The following AFG2A variants were observed in gnomAD, a reference collection of about 807,000 sequenced individuals.
AFG2A encodes AAA ATPase AFG2A.
the AFG2A span, among the ~76,000 whole-genome samples, chr4:123,211,354 G>A: frequency 6.6e-6 from 1 of 152,116 alleles, no homozygotes; most frequent in Non-Finnish European, 1.5e-5. Flanking sequence ...AGAATGTTCT[G>A]TGACAAGTGC....
chr4:123,164,251 G>T, the AFG2A span, among the ~76,000 whole-genome samples: 1 of 152,066 alleles, frequency 6.6e-6, no homozygotes, highest in Non-Finnish European at 1.5e-5. Context: ...TCCATATTTT[G>T]TCACTTACTT....
chr4:122,959,513 GT>G, the AFG2A span, among the ~76,000 whole-genome samples: 1 of 152,178 alleles, frequency 6.6e-6, no homozygotes, highest in East Asian at 1.9e-4. Context: ...TATATGTTGT[GT>G]CTCTGATGAT....
chr4:122,943,562 A>G, the AFG2A span, among the ~76,000 whole-genome samples: 1 of 152,142 alleles, frequency 6.6e-6, no homozygotes, highest in South Asian at 2.1e-4. Context: ...TGAATACAGC[A>G]CACTGATGGG....
At chr4:122,930,140 G>A in the AFG2A span, among the ~76,000 whole-genome samples, 3 of 152,106 alleles carry the variant, frequency 2.0e-5, no homozygotes, top group Admixed American at 6.6e-5. Flanking sequence ...TTGATTATTC[G>A]ATTTAGTAAA....
chr4:123,024,952 G>A, the AFG2A span, among the ~76,000 whole-genome samples: 1 of 152,134 alleles, frequency 6.6e-6, no homozygotes, highest in South Asian at 2.1e-4. Context: ...ATGGGGTAGA[G>A]GAGAGAACCT....
the AFG2A span, chr4:122,947,125 C>A: frequency 1.8e-6 from 2 of 1,112,218 alleles, no homozygotes; most frequent in South Asian, 1.9e-5. Context: ...GACTTAGTAG[C>A]CTGGACAGTT....
At chr4:122,990,912 A>G in the AFG2A span, among the ~76,000 whole-genome samples, 8,408 of 152,280 alleles carry the variant, frequency 0.055, 752 homozygotes, top group African/African-American at 0.19. Flanking sequence ...AAAAGTGACT[A>G]TATTCCTCGA....
At chr4:123,203,152 G>A in the AFG2A span, among the ~76,000 whole-genome samples, 1,693 of 142,944 alleles carry the variant, frequency 0.012, 33 homozygotes, top group South Asian at 0.094. Flanking sequence ...ATCAATAGTT[G>A]TACTTTTTTT....
chr4:122,947,188 TCTAACTTTCAGAAAAATAAA>T, the AFG2A span: 37 of 1,481,786 alleles, frequency 2.5e-5, no homozygotes, highest in Admixed American at 2.9e-4. Context: ...CTTTTTTTTT[TCTAACTTTCAGAAAAATAAA>T]TTTATTTTCA....
the AFG2A span, among the ~76,000 whole-genome samples, chr4:123,160,815 A>C: frequency 6.6e-6 from 1 of 151,460 alleles, no homozygotes; most frequent in African/African-American, 2.4e-5. Context: ...TGCTATATAT[A>C]GGTTTTTTTC....
the AFG2A span, among the ~76,000 whole-genome samples, chr4:122,964,679 CAA>C: frequency 6.6e-6 from 1 of 152,038 alleles, no homozygotes; most frequent in East Asian, 1.9e-4. Context: ...GATCTGGAGA[CAA>C]ATGTGCCTTC....
the AFG2A span, among the ~76,000 whole-genome samples, chr4:123,007,550 A>G: frequency 0.069 from 6,157 of 89,540 alleles, 221 homozygotes; most frequent in East Asian, 0.27. Flanking sequence ...ATGTGTATGT[A>G]TGTGTGTGTG....
At chr4:122,948,858 C>G in the AFG2A span, among the ~76,000 whole-genome samples, 1 of 152,192 alleles carries the variant, frequency 6.6e-6, no homozygotes, top group Non-Finnish European at 1.5e-5. Context: ...CTTGCGTGGC[C>G]CTCACATTCT....
At chr4:122,940,993 A>G in the AFG2A span, among the ~76,000 whole-genome samples, 3 of 151,576 alleles carry the variant, frequency 2.0e-5, no homozygotes, top group African/African-American at 7.3e-5. Context: ...ATTGATCTAT[A>G]TCTCTGTTTT....
chr4:123,312,305 G>A, the AFG2A span, among the ~76,000 whole-genome samples: 3 of 152,158 alleles, frequency 2.0e-5, no homozygotes, highest in Admixed American at 6.6e-5. Flanking sequence ...ATGCAGGAGA[G>A]AGAAAGAGAG....
the AFG2A span, among the ~76,000 whole-genome samples, chr4:123,006,009 G>T: frequency 6.6e-6 from 1 of 151,650 alleles, no homozygotes; most frequent in East Asian, 1.9e-4. Flanking sequence ...CTTTTGTGTA[G>T]ATTCAAGTTT....
the AFG2A span, among the ~76,000 whole-genome samples, chr4:123,123,729 C>T: frequency 3.3e-5 from 5 of 151,366 alleles, no homozygotes; most frequent in Non-Finnish European, 4.4e-5. Flanking sequence ...GGGTGGATCA[C>T]GAGGTCAGGA....
chr4:123,119,269 G>A, the AFG2A span, among the ~76,000 whole-genome samples: 25 of 152,008 alleles, frequency 1.6e-4, no homozygotes, highest in African/African-American at 4.1e-4. Flanking sequence ...GTGTCTCAAC[G>A]TATTAAGTGT....
chr4:122,926,956 C>T, the AFG2A span, among the ~76,000 whole-genome samples: 1 of 151,160 alleles, frequency 6.6e-6, no homozygotes, highest in Non-Finnish European at 1.5e-5. Context: ...TATTAACTGG[C>T]AGCACAGAGT....
Sources: gnomAD v4.1 joint callset for allele counts (sites outside exome capture counted in the v4.1 genomes callset) on GRCh38, gnomAD v4.1.1 for gene constraint, MANE v1.5 for transcripts, NCBI Gene and HGNC (gene_info 2026-07-23, HGNC 2026-07-21) for gene names.